TOP1: variants seen among roughly 807,000 people sequenced by gnomAD.
TOP1 encodes DNA topoisomerase 1.
Under a neutral mutation model 111.1 loss-of-function variants are expected in TOP1, and 10 were observed. The observed-to-expected ratio is 0.09, with a 90% CI of 0.06 to 0.15. TOP1 has a LOEUF of 0.15. TOP1 is among the 10% of genes least tolerant of loss of function. The pLI is 1.00. For missense variants in TOP1, 474 were observed against 926.7 expected, an observed-to-expected ratio of 0.51 and a Z score of 6.34; for synonymous variants, 271 against 302.9, an observed-to-expected ratio of 0.89 and a Z score of 1.10.
In TOP1 at chr20:41,061,563, GTC is replaced by G. The variant is rs1037318979; in HGVS notation, c.155+75_155+76del. 13 of 1,279,306 alleles carry G rather than the reference GTC, an allele frequency of 1.0e-5. No individual in the cohort carries two copies. In the African/African-American group the frequency reaches 1.6e-4, roughly 16 times the overall value. 79.2% of individuals were successfully genotyped at this position (1,279,306 alleles called of 1,614,324 possible). A position where few individuals can be genotyped will look rare whatever the true frequency, so the allele number is the denominator to read the frequency against. On this transcript the variant is annotated intron_variant, in intron 3 of 20. Coordinates refer to ENST00000361337, the MANE Select transcript of TOP1 (RefSeq NM_003286.4). This position sits in a 1 kb window ranked among gnomAD's most constrained non-coding sequence, Gnocchi z 4.6. ...CCATTGCTTGGCTTACCTGGAATAG[GTC>G]TTAACTTGAGCTACATGTAAAGATA...
At chr20:41,075,036 TAA>T (rs2033709604) in intron 3 of TOP1, among the ~76,000 whole-genome samples, 1 of 152,240 alleles carries the variant, frequency 6.6e-6, no homozygotes, top group Non-Finnish European at 1.5e-5. Flanking sequence ...GCTTAGCAGT[TAA>T]ATAATTTGAT....
chr20:41,056,928 G>A (rs868585759), intron 2 of TOP1, among the ~76,000 whole-genome samples: 2 of 152,090 alleles, frequency 1.3e-5, no homozygotes, highest in Middle Eastern at 3.4e-3. Flanking sequence ...AAAAACTTGG[G>A]GACCTGGCTT....
intron 8 of TOP1, among the ~76,000 whole-genome samples, chr20:41,090,830 C>T (rs964732045): frequency 3.9e-5 from 6 of 152,176 alleles, no homozygotes; most frequent in Non-Finnish European, 4.4e-5. Flanking sequence ...CTTTTTGTTA[C>T]CTGTGTTTTA....
intron 2 of TOP1, among the ~76,000 whole-genome samples, chr20:41,051,104 A>G (rs2033400198): frequency 6.6e-6 from 1 of 152,248 alleles, no homozygotes; most frequent in Non-Finnish European, 1.5e-5. Context: ...TTTGTATGTC[A>G]GAGAAGAGCA....
In TOP1 at chr20:41,110,603, A is replaced by G. The variant is rs1365709556; in HGVS notation, c.1309-2179A>G. On this transcript the variant is annotated intron_variant, in intron 13 of 20. Transcript: ENST00000361337. This position sits in a 1 kb window ranked among gnomAD's most constrained non-coding sequence, Gnocchi z 4.2. ...GCTGAATGGATAGCAGCTATATTAG[A>G]GAGACAATATAGTGGGCCTACTAGT... Among the ~76,000 whole-genome samples, 1 of 152,212 alleles carries G rather than the reference A, an allele frequency of 6.6e-6. No homozygotes were observed. The highest frequency in any genetic ancestry group is 1.5e-5 in the Non-Finnish European group (1 of 68,032).
At chr20:41,051,082 G>A (rs1387726258) in intron 2 of TOP1, among the ~76,000 whole-genome samples, 3 of 152,096 alleles carry the variant, frequency 2.0e-5, no homozygotes, top group African/African-American at 4.8e-5. Flanking sequence ...TTCCTTATGC[G>A]CTAGTTGTAT....
chr20:41,052,922 G>A (rs2033423239), intron 2 of TOP1, among the ~76,000 whole-genome samples: 1 of 152,118 alleles, frequency 6.6e-6, no homozygotes, highest in Admixed American at 6.5e-5. Flanking sequence ...CCTGGGAGGC[G>A]GAGGTTGCAG....
chr20:41,099,804 CAT>C lies in TOP1; in HGVS notation c.976-247_976-246del, dbSNP rs1177652968. On this transcript the variant is annotated intron_variant, in intron 11 of 20. Transcript: ENST00000361337. ...AAAACACCCAAATAACATTTACAAACATATATCCTTTAAGACACAAGAATCAG... is the reference window on the plus strand; with the variant it reads ...AAAACACCCAAATAACATTTACAAACATATCCTTTAAGACACAAGAATCAG... Among the ~76,000 whole-genome samples, 11 of 152,270 alleles carry C rather than the reference CAT, an allele frequency of 7.2e-5. No homozygotes were observed. In the South Asian group the frequency reaches 2.1e-3, roughly 29 times the overall value.
At chr20:41,048,137 C>T (rs1161121037) in intron 2 of TOP1, among the ~76,000 whole-genome samples, 2 of 150,682 alleles carry the variant, frequency 1.3e-5, no homozygotes, top group East Asian at 1.9e-4. Flanking sequence ...TCAGCACATG[C>T]CTGCCTTTTA....
In TOP1 at chr20:41,100,943, G is replaced by C. The variant is rs1056795082; in HGVS notation, c.1164-266G>C. Among the ~76,000 whole-genome samples the C allele has an allele frequency of 1.3e-5, 2 of 152,200 alleles. No homozygotes were observed. Among genetic ancestry groups the C allele is most frequent in the East Asian group, 3.9e-4 (2 of 5,194 alleles). On this transcript the variant is annotated intron_variant, in intron 12 of 20. Transcript: ENST00000361337. This position sits in a 1 kb window ranked among gnomAD's most constrained non-coding sequence, Gnocchi z 4.4. ...TATATGGTTCACGCATCCCAGGTGGGACTACAAGAGATTTCATCATGCTCC... is the reference window on the plus strand; with the variant it reads ...TATATGGTTCACGCATCCCAGGTGGCACTACAAGAGATTTCATCATGCTCC...
intron 8 of TOP1, among the ~76,000 whole-genome samples, chr20:41,087,094 C>CGT (rs1371638068): frequency 6.6e-6 from 1 of 152,194 alleles, no homozygotes; most frequent in East Asian, 1.9e-4. Flanking sequence ...TTTCTTCCCT[C>CGT]GTAAGTCCGC....
rs572983541 is a variant in TOP1 at position 41,065,051 on chromosome 20, G to A, written c.155+3561G>A. On this transcript the variant is annotated intron_variant, in intron 3 of 20. Coordinates refer to ENST00000361337, the MANE Select transcript of TOP1 (RefSeq NM_003286.4). ...TCCCAAGTAGCTGGGATTAAGGTGCGTGCCCCGACACCCAGCTAATTTTTT... is the reference window on the plus strand; with the variant it reads ...TCCCAAGTAGCTGGGATTAAGGTGCATGCCCCGACACCCAGCTAATTTTTT... Among the ~76,000 whole-genome samples the A allele has an allele frequency of 5.9e-5, 9 of 151,962 alleles. No homozygotes were observed. In the South Asian group the frequency reaches 8.3e-4, roughly 14 times the overall value.
rs1177204690 is a variant in TOP1 at position 41,098,755 on chromosome 20, T to G, written c.975+418T>G. 6.5e-6 allele frequency: 1 copy of G among 152,836 alleles called. No homozygotes were observed. Among genetic ancestry groups the G allele is most frequent in the Non-Finnish European group, 1.5e-5 (1 of 68,566 alleles). 9.5% of individuals were successfully genotyped at this position (152,836 alleles called of 1,614,324 possible). A position where few individuals can be genotyped will look rare whatever the true frequency, so the allele number is the denominator to read the frequency against. ...GCTCATCCATCTCCATCTTCCAGCC[T>G]TGGCCATCCTCATTACTGAAGGATC... On this transcript the variant is annotated intron_variant, in intron 11 of 20. Coordinates refer to ENST00000361337, the MANE Select transcript of TOP1 (RefSeq NM_003286.4). This position sits in a 1 kb window ranked among gnomAD's most constrained non-coding sequence, Gnocchi z 5.7.
At chr20:41,043,144 C>T (rs890383322) in intron 2 of TOP1, among the ~76,000 whole-genome samples, 1 of 152,240 alleles carries the variant, frequency 6.6e-6, no homozygotes, top group South Asian at 2.1e-4. Flanking sequence ...TGCAGATTCT[C>T]GGGCCTCACC....
At position 41,097,229 on chromosome 20, in the gene TOP1, T is replaced by C. The variant is rs779311506; in HGVS notation, c.740T>C (p.Met247Thr). Reference sequence around the variant, plus strand: ...CCACTTTTTTCTCTAGGTAAAGTCATGAAGCTGAGCCCCAAAGCAGAGGAA... The same window carrying C: ...CCACTTTTTTCTCTAGGTAAAGTCACGAAGCTGAGCCCCAAAGCAGAGGAA... ...NVKFYYDGKV[M>T]KLSPKAEEVA... The change falls in exon 10 of 21, where the codon ATG becomes ACG. Residue 247 changes from methionine to threonine, a missense_variant. Physicochemically the swap from Met to Thr is moderately conservative, Grantham distance 81. Transcript: ENST00000361337. This position sits in a 1 kb window ranked among gnomAD's most constrained non-coding sequence, Gnocchi z 4.2. 8.1e-6 allele frequency: 13 copies of C among 1,613,924 alleles called. 1 individual carries two copies. The South Asian group carries it at 1.3e-4, about 16-fold the overall frequency.
intron 2 of TOP1, among the ~76,000 whole-genome samples, chr20:41,057,097 C>G (rs563581245): frequency 8.5e-4 from 130 of 152,282 alleles, no homozygotes; most frequent in Non-Finnish European, 1.2e-3. Flanking sequence ...GAAACCCCAT[C>G]TCTACTAAAA....
At chr20:41,051,779 T>C (rs1342956717) in intron 2 of TOP1, among the ~76,000 whole-genome samples, 1 of 151,938 alleles carries the variant, frequency 6.6e-6, no homozygotes, top group Non-Finnish European at 1.5e-5. Context: ...TCGGTGGGCA[T>C]TGTGAATGGG....
At chr20:41,117,876 A>G (rs1034782872) in intron 17 of TOP1, among the ~76,000 whole-genome samples, 5 of 152,108 alleles carry the variant, frequency 3.3e-5, no homozygotes, top group African/African-American at 1.2e-4. Flanking sequence ...TCCCTAGCCA[A>G]GTTCCCTGAG....
chr20:41,081,783 A>G (rs1187723906), intron 7 of TOP1, among the ~76,000 whole-genome samples: 1 of 152,080 alleles, frequency 6.6e-6, no homozygotes, highest in East Asian at 1.9e-4. Flanking sequence ...CAGTCACACT[A>G]GCCTCCTTTG....
Sources: allele counts gnomAD v4.1 joint callset (sites outside exome capture counted in the v4.1 genomes callset), GRCh38; gene constraint gnomAD v4.1.1; non-coding constraint Gnocchi (gnomAD v3.1); transcripts MANE v1.5; gene names NCBI Gene and HGNC (gene_info 2026-07-23, HGNC 2026-07-21).